Variants in HSD17B12 observed in about 807,000 individuals in gnomAD.
The protein encoded by HSD17B12 is hydroxysteroid 17-beta dehydrogenase 12.
HSD17B12 carries 32 observed loss-of-function variants against 39.3 expected under a neutral mutation model. The ratio of observed to expected loss-of-function variants is 0.81; its 90% CI spans 0.61 to 1.09. The LOEUF is 1.09. Ranked by LOEUF, HSD17B12 falls within the 50% of genes least tolerant of loss-of-function variation. HSD17B12 has a pLI of 0.00. For synonymous variants in HSD17B12, 150 were observed against 146.7 expected (o/e 1.02, Z -0.16); for missense variants, 342 against 382.9 (o/e 0.89, Z 0.89).
intron 4 of HSD17B12, among the ~76,000 whole-genome samples, chr11:43,804,746 T>TATAA (rs1951002977): frequency 1.3e-5 from 2 of 152,322 alleles, no homozygotes; most frequent in East Asian, 3.9e-4. Flanking sequence ...AATAGTTGAA[T>TATAA]ATAAATATTT....
intron 2 of HSD17B12, among the ~76,000 whole-genome samples, chr11:43,753,380 AAAACTTTT>A (rs1321094985): frequency 8.6e-6 from 1 of 116,728 alleles, no homozygotes; most frequent in Non-Finnish European, 1.6e-5. Flanking sequence ...TTCTGCAGCA[AAAACTTTT>A]TTTTTTTTTT....
chr11:43,560,205 T>C, the HSD17B12 span, among the ~76,000 whole-genome samples: 2 of 152,240 alleles, frequency 1.3e-5, no homozygotes, highest in South Asian at 2.1e-4. Flanking sequence ...ATGTCGCATA[T>C]GCATAGGTAT....
At chr11:43,703,476 G>C (rs1000313643) in intron 1 of HSD17B12, among the ~76,000 whole-genome samples, 5 of 152,182 alleles carry the variant, frequency 3.3e-5, no homozygotes, top group Admixed American at 6.5e-5. Context: ...TTACAGGTGT[G>C]AGCCACCGCG....
At chr11:43,671,057 G>A in the HSD17B12 span, among the ~76,000 whole-genome samples, 43 of 152,124 alleles carry the variant, frequency 2.8e-4, no homozygotes, top group African/African-American at 9.2e-4. Context: ...CTCAAATTCC[G>A]CTATATTATT....
chr11:43,564,780 G>A, the HSD17B12 span, among the ~76,000 whole-genome samples: 1 of 152,154 alleles, frequency 6.6e-6, no homozygotes, highest in African/African-American at 2.4e-5. Flanking sequence ...TGCTAATACT[G>A]GTGGCCCAGA....
chr11:43,788,859 T>C (rs1402739858), intron 3 of HSD17B12, among the ~76,000 whole-genome samples: 2 of 152,174 alleles, frequency 1.3e-5, no homozygotes, highest in African/African-American at 4.8e-5. Context: ...GGTCCATACT[T>C]GGTTTAATGC....
the HSD17B12 span, among the ~76,000 whole-genome samples, chr11:43,561,808 C>T: frequency 1.3e-5 from 2 of 152,158 alleles, no homozygotes; most frequent in Admixed American, 1.3e-4. Context: ...ACTGCTGCAG[C>T]GACAGTCCAG....
the HSD17B12 span, among the ~76,000 whole-genome samples, chr11:43,613,609 TA>T: frequency 2.6e-5 from 4 of 152,196 alleles, no homozygotes; most frequent in Middle Eastern, 0.014. Context: ...TTTTTATTCT[TA>T]TTTTTTCCAC....
Position 43,740,239 on chromosome 11 carries a change from G to T in HSD17B12, c.161-10672G>T, listed in dbSNP as rs138258138. Among the ~76,000 whole-genome samples, 415 of 152,290 alleles carry T rather than the reference G, an allele frequency of 2.7e-3. 4 individuals are homozygous for T. The highest frequency in any genetic ancestry group is 0.019 in the Admixed American group (297 of 15,288). The stretch of plus-strand genomic sequence containing the variant: ...AGTGAGGAGGGATGAAAGATTCCTC[G>T]TACAAGTCCTTGTGTTTGGGATGAT... On this transcript the variant is annotated intron_variant, in intron 1 of 10. Coordinates refer to ENST00000278353, the MANE Select transcript of HSD17B12 (RefSeq NM_016142.3).
chr11:43,583,931 G>A, the HSD17B12 span, among the ~76,000 whole-genome samples: 1 of 152,098 alleles, frequency 6.6e-6, no homozygotes, highest in East Asian at 1.9e-4. Context: ...CAGCCAACTA[G>A]CTTAACTTTG....
intron 1 of HSD17B12, among the ~76,000 whole-genome samples, chr11:43,693,659 T>C (rs1949884081): frequency 6.6e-6 from 1 of 152,092 alleles, no homozygotes. Context: ...TTCCTCAAGG[T>C]GGCCAAAAAA....
the HSD17B12 span, among the ~76,000 whole-genome samples, chr11:43,667,649 C>T: frequency 2.6e-5 from 4 of 152,188 alleles, no homozygotes; most frequent in South Asian, 2.1e-4. Context: ...AATCTAAACA[C>T]GAAATTCATT....
the HSD17B12 span, among the ~76,000 whole-genome samples, chr11:43,624,903 G>A: frequency 6.6e-6 from 1 of 151,704 alleles, no homozygotes; most frequent in Non-Finnish European, 1.5e-5. Context: ...CAGAAAATTA[G>A]AAGCATAATA....
At chr11:43,783,932 A>C (rs1320456408) in intron 3 of HSD17B12, among the ~76,000 whole-genome samples, 4 of 152,200 alleles carry the variant, frequency 2.6e-5, no homozygotes, top group Non-Finnish European at 5.9e-5. Flanking sequence ...AAACAAAACA[A>C]AATATAGTGA....
chr11:43,640,095 G>A, the HSD17B12 span, among the ~76,000 whole-genome samples: 1 of 152,038 alleles, frequency 6.6e-6, no homozygotes, highest in Non-Finnish European at 1.5e-5. Flanking sequence ...CAAATGCTGG[G>A]GAGAAGAATG....
At chr11:43,638,879 A>G in the HSD17B12 span, among the ~76,000 whole-genome samples, 3 of 152,152 alleles carry the variant, frequency 2.0e-5, no homozygotes, top group African/African-American at 7.2e-5. Context: ...ATTCCTTGAC[A>G]GTTTCCCGAG....
the HSD17B12 span, chr11:43,644,763 G>A: frequency 6.5e-6 from 1 of 152,678 alleles, no homozygotes; most frequent in African/African-American, 2.4e-5. Context: ...GCAGTTGCAG[G>A]AGTTATGAAC....
intron 1 of HSD17B12, among the ~76,000 whole-genome samples, chr11:43,687,139 T>C (rs1173929246): frequency 6.6e-6 from 1 of 152,250 alleles, no homozygotes; most frequent in Non-Finnish European, 1.5e-5. Context: ...AAGTTAAATG[T>C]ATATTTTAAA....
chr11:43,648,681 G>A, the HSD17B12 span, among the ~76,000 whole-genome samples: 10 of 152,108 alleles, frequency 6.6e-5, no homozygotes, highest in Non-Finnish European at 1.3e-4. Flanking sequence ...CCACTTTCTT[G>A]TTTTCTTAAC....
Sources: allele counts gnomAD v4.1 joint callset (sites outside exome capture counted in the v4.1 genomes callset), GRCh38; gene constraint gnomAD v4.1.1; transcripts MANE v1.5; gene names NCBI Gene and HGNC (gene_info 2026-07-23, HGNC 2026-07-21).